ZNF385B: variants seen among roughly 807,000 people sequenced by gnomAD.
The protein encoded by ZNF385B is zinc finger protein 385B, also known as zinc finger protein 533.
A neutral mutation model predicts 39.2 loss-of-function variants in ZNF385B; 23 were observed. That is an observed-to-expected ratio of 0.59 (90% CI 0.42 to 0.83). ZNF385B has a LOEUF of 0.83. Among genes scored for constraint, ZNF385B ranks in the 40% least tolerant of loss-of-function variants. ZNF385B has a pLI of 0.00. For missense variants in ZNF385B, 552 were observed against 598.9 expected (o/e 0.92, Z 0.82); for synonymous variants, 205 against 222.6 (o/e 0.92, Z 0.70).
At chr2:179,616,206 TG>T (rs1689720623) in intron 3 of ZNF385B, among the ~76,000 whole-genome samples, 1 of 152,156 alleles carries the variant, frequency 6.6e-6, no homozygotes, top group African/African-American at 2.4e-5. Context: ...AGGGCTATTG[TG>T]GGAATCAAAT....
intron 6 of ZNF385B, among the ~76,000 whole-genome samples, chr2:179,472,162 A>G (rs2052846450): frequency 6.6e-6 from 1 of 152,196 alleles, no homozygotes; most frequent in Admixed American, 6.5e-5. Flanking sequence ...GGTTCTCTCA[A>G]TTTAAAAATA....
chr2:179,600,749 TA>T (rs1391096474), intron 3 of ZNF385B, among the ~76,000 whole-genome samples: 2 of 152,206 alleles, frequency 1.3e-5, no homozygotes, highest in Admixed American at 1.3e-4. Context: ...TTGTCAGTCT[TA>T]ACTACTTCAT....
chr2:179,743,922 T>C (rs190560464), intron 3 of ZNF385B, among the ~76,000 whole-genome samples: 3 of 152,230 alleles, frequency 2.0e-5, no homozygotes, highest in Non-Finnish European at 2.9e-5. Context: ...GCCGTACTCA[T>C]AGCACATACA....
intron 3 of ZNF385B, among the ~76,000 whole-genome samples, chr2:179,718,950 C>CTG (rs150262834): frequency 0.013 from 1,962 of 149,988 alleles, 24 homozygotes; most frequent in African/African-American, 0.035. Context: ...CTTTAAAACT[C>CTG]TGTGTGTGTG....
At chr2:179,447,117 C>T (rs535927017) in intron 6 of ZNF385B, among the ~76,000 whole-genome samples, 3 of 152,130 alleles carry the variant, frequency 2.0e-5, no homozygotes, top group Non-Finnish European at 2.9e-5. Context: ...GATACAATTA[C>T]ATGATATGAA....
chr2:179,603,233 A>C (rs568068821), intron 3 of ZNF385B, among the ~76,000 whole-genome samples: 1 of 152,186 alleles, frequency 6.6e-6, no homozygotes, highest in African/African-American at 2.4e-5. Flanking sequence ...CAATTTCCTC[A>C]CCTATGAAGT....
intron 3 of ZNF385B, among the ~76,000 whole-genome samples, chr2:179,682,070 A>G (rs1303785296): frequency 6.6e-6 from 1 of 152,226 alleles, no homozygotes; most frequent in Non-Finnish European, 1.5e-5. Flanking sequence ...TCATATATGC[A>G]CACATGCCAG....
At chr2:179,471,839 C>T (rs537355519) in intron 6 of ZNF385B, among the ~76,000 whole-genome samples, 21 of 152,280 alleles carry the variant, frequency 1.4e-4, no homozygotes, top group African/African-American at 4.6e-4. Context: ...AGGTTAAGAA[C>T]CTCTGTGTCT....
At chr2:179,812,517 T>G (rs532131456) in intron 1 of ZNF385B, among the ~76,000 whole-genome samples, 1 of 152,158 alleles carries the variant, frequency 6.6e-6, no homozygotes, top group Non-Finnish European at 1.5e-5. Context: ...TGGAGGCCAT[T>G]AATCTAAGTG....
intron 1 of ZNF385B, among the ~76,000 whole-genome samples, chr2:179,807,788 A>G (rs1400968233): frequency 6.6e-6 from 1 of 150,576 alleles, no homozygotes; most frequent in Non-Finnish European, 1.5e-5. Flanking sequence ...CCAGCTACTC[A>G]GGAGGTTGAG....
intron 1 of ZNF385B, among the ~76,000 whole-genome samples, chr2:179,782,953 G>A (rs997486090): frequency 6.6e-6 from 1 of 152,100 alleles, no homozygotes; most frequent in African/African-American, 2.4e-5. Flanking sequence ...AACTACGAAT[G>A]ACATTCTTCA....
chr2:179,548,051 A>G (rs1425547952), intron 3 of ZNF385B, among the ~76,000 whole-genome samples: 1 of 149,600 alleles, frequency 6.7e-6, no homozygotes, highest in Non-Finnish European at 1.5e-5. Flanking sequence ...TAGAAATGCT[A>G]CTGATTTTTG....
intron 3 of ZNF385B, among the ~76,000 whole-genome samples, chr2:179,618,137 A>G (rs1689913803): frequency 6.6e-6 from 1 of 152,178 alleles, no homozygotes; most frequent in Non-Finnish European, 1.5e-5. Context: ...GATCACTCTT[A>G]TACTCATTAA....
At chr2:179,807,820 G>A (rs560486923) in intron 1 of ZNF385B, among the ~76,000 whole-genome samples, 48 of 149,970 alleles carry the variant, frequency 3.2e-4, no homozygotes, top group Non-Finnish European at 6.2e-4. Context: ...GCCTGAACCC[G>A]GGAGGTGGAG....
chr2:179,492,869 C>T (rs2055396666), intron 5 of ZNF385B, among the ~76,000 whole-genome samples: 1 of 152,032 alleles, frequency 6.6e-6, no homozygotes, highest in Non-Finnish European at 1.5e-5. Flanking sequence ...TTAGTAGTCG[C>T]TTAGCCCATC....
chr2:179,601,153 A>G (rs1387062905), intron 3 of ZNF385B, among the ~76,000 whole-genome samples: 1 of 152,208 alleles, frequency 6.6e-6, no homozygotes, highest in Non-Finnish European at 1.5e-5. Flanking sequence ...TTTGAAATAT[A>G]TACATTAGAG....
intron 1 of ZNF385B, among the ~76,000 whole-genome samples, chr2:179,812,965 T>C (rs1575538015): frequency 6.6e-6 from 1 of 152,288 alleles, no homozygotes. Context: ...ACAAAATCAA[T>C]AGTTTCCATA....
chr2:179,804,381 C>T (rs1054684818), intron 1 of ZNF385B, among the ~76,000 whole-genome samples: 5 of 152,162 alleles, frequency 3.3e-5, no homozygotes, highest in Non-Finnish European at 5.9e-5. Flanking sequence ...AGTGGGATTG[C>T]TCCAGTTTCT....
At chr2:179,474,501 T>C (rs977266499) in intron 6 of ZNF385B, among the ~76,000 whole-genome samples, 2 of 152,208 alleles carry the variant, frequency 1.3e-5, no homozygotes, top group Admixed American at 1.3e-4. Context: ...CTCTGGGCCA[T>C]TGTTTTCCCC....
Sources: allele counts gnomAD v4.1 joint callset (sites outside exome capture counted in the v4.1 genomes callset), GRCh38; gene constraint gnomAD v4.1.1; transcripts MANE v1.5; gene names NCBI Gene and HGNC (gene_info 2026-07-23, HGNC 2026-07-21).